The following SMC5 variants were observed in gnomAD, a reference collection of about 807,000 sequenced individuals.
SMC5 encodes structural maintenance of chromosomes protein 5.
A neutral mutation model predicts 148.3 loss-of-function variants in SMC5; 88 were observed. The ratio of observed to expected loss-of-function variants is 0.59; its 90% confidence interval spans 0.50 to 0.71. The LOEUF (loss-of-function observed/expected upper bound fraction) is 0.71, where lower values mean the gene tolerates loss of function less well. Ranked by LOEUF, SMC5 falls within the 30% of genes least tolerant of loss-of-function variation. SMC5 has a pLI of 0.00. For missense variants in SMC5, 1,142 were observed against 1,298.9 expected (o/e 0.88, Z 1.86); for synonymous variants, 421 against 432.8 (o/e 0.97, Z 0.34).
In SMC5 at chr9:70,317,786, A is replaced by G. The variant is rs545824121; in HGVS notation, c.1807-728A>G. On this transcript the variant is annotated intron_variant, in intron 13 of 24. Coordinates refer to ENST00000361138, the MANE Select transcript of SMC5 (RefSeq NM_015110.4). Reference sequence around the variant, plus strand: ...ATTCTTCAGAGAAAAGTTCTAAAAAACTTTAAAAATAAGAAAAGGCTTTGA... The same window carrying G: ...ATTCTTCAGAGAAAAGTTCTAAAAAGCTTTAAAAATAAGAAAAGGCTTTGA... 1.1e-4 allele frequency among the ~76,000 whole-genome samples: 17 copies of G among 152,332 alleles called. No homozygotes were observed. In the South Asian group the frequency reaches 3.5e-3, roughly 32 times the overall value.
Position 70,340,494 on chromosome 9 carries a change from G to A in SMC5, c.2398-3650G>A, listed in dbSNP as rs865971508. Among the ~76,000 whole-genome samples, 5 of 151,998 alleles carry A rather than the reference G, an allele frequency of 3.3e-5. 1 individual carries two copies. In the Middle Eastern group the frequency reaches 0.01, roughly 312 times the overall value. On this transcript the variant is annotated intron_variant, in intron 17 of 24. Coordinates refer to ENST00000361138, the MANE Select transcript of SMC5 (RefSeq NM_015110.4). ...AAATGAATGATTTTTATATTTTTAAGTGTGTATTCTGTCTGGTAACTAAAA... is the reference window on the plus strand; with the variant it reads ...AAATGAATGATTTTTATATTTTTAAATGTGTATTCTGTCTGGTAACTAAAA...
intron 17 of SMC5, among the ~76,000 whole-genome samples, chr9:70,334,890 T>C (rs747350251): frequency 6.6e-6 from 1 of 152,074 alleles, no homozygotes; most frequent in Non-Finnish European, 1.5e-5. Flanking sequence ...AGAAAAAGTA[T>C]ATATATGAAA....
Position 70,343,680 on chromosome 9 carries a change from G to T in SMC5, c.2398-464G>T, listed in dbSNP as rs145030762. Among the ~76,000 whole-genome samples the T allele has an allele frequency of 3.9e-3, 598 of 152,156 alleles. 3 individuals carry two copies. Among genetic ancestry groups the T allele is most frequent in the African/African-American group, 0.013 (553 of 41,486 alleles). On this transcript the variant is annotated intron_variant, in intron 17 of 24. Coordinates refer to ENST00000361138, the MANE Select transcript of SMC5 (RefSeq NM_015110.4). The stretch of plus-strand genomic sequence containing the variant: ...AAAACACAAAAATTAGCCAGGCATG[G>T]TGGTACACATCTGTAATCTCAGCTA...
chr9:70,333,435 GC>G (rs1564066013), intron 17 of SMC5, among the ~76,000 whole-genome samples: 2 of 151,866 alleles, frequency 1.3e-5, no homozygotes, highest in East Asian at 3.9e-4. Flanking sequence ...TCACCACTGC[GC>G]TTCAGCCTCC....
intron 2 of SMC5, among the ~76,000 whole-genome samples, chr9:70,266,554 C>T (rs978308969): frequency 6.6e-6 from 1 of 152,090 alleles, no homozygotes; most frequent in Non-Finnish European, 1.5e-5. Context: ...CTAACTTTCT[C>T]ATGTTGATTT....
At chr9:70,347,198 C>T in intron 20 of SMC5, 37 bp downstream of exon 20, 1 of 1,465,380 alleles carries the variant, frequency 6.8e-7, no homozygotes, top group Non-Finnish European at 9.5e-7. Flanking sequence ...TGCATCCAAC[C>T]ACCACCACCA....
Position 70,259,032 on chromosome 9 carries a change from C to T in SMC5, c.-47C>T. Reference sequence around the variant, plus strand: ...GATGGGCGCTTGGGCGCCTGGGCTGCCGGACGGTGGGAACGGAAGTCGCTG... The same window carrying T: ...GATGGGCGCTTGGGCGCCTGGGCTGTCGGACGGTGGGAACGGAAGTCGCTG... On this transcript the variant is annotated 5_prime_UTR_variant, in exon 1 of 25. Coordinates refer to ENST00000361138, the MANE Select transcript of SMC5 (RefSeq NM_015110.4). 1 of 1,537,436 alleles carries T rather than the reference C, an allele frequency of 6.5e-7. No individual in the cohort carries two copies. The highest frequency in any genetic ancestry group is 1.8e-4 in the Middle Eastern group (1 of 5,418).
At chr9:70,317,445 A>G (rs1023577724) in intron 13 of SMC5, among the ~76,000 whole-genome samples, 28 of 152,120 alleles carry the variant, frequency 1.8e-4, no homozygotes, top group African/African-American at 6.8e-4. Flanking sequence ...TTTAAAACTC[A>G]TTTTTAGGAA....
At chr9:70,278,376 T>G in intron 4 of SMC5, 115 bp from the exon 5 acceptor site, 3 of 933,022 alleles carry the variant, frequency 3.2e-6, no homozygotes, top group Non-Finnish European at 3.1e-6. Context: ...GGTTTATATC[T>G]CAAATGTTTT....
At chr9:70,278,168 A>G (rs558543094) in intron 4 of SMC5, among the ~76,000 whole-genome samples, 14 of 152,170 alleles carry the variant, frequency 9.2e-5, no homozygotes, top group Admixed American at 8.5e-4. Flanking sequence ...AAACCCTCTA[A>G]CATTTCAACT....
intron 17 of SMC5, among the ~76,000 whole-genome samples, chr9:70,333,014 G>A (rs1001517765): frequency 1.3e-5 from 2 of 152,124 alleles, no homozygotes; most frequent in African/African-American, 4.8e-5. Context: ...TACAACTGGG[G>A]ACGAGGAAAA....
chr9:70,332,538 A>G (rs1168198807), intron 17 of SMC5, among the ~76,000 whole-genome samples: 6 of 151,834 alleles, frequency 4.0e-5, no homozygotes, highest in African/African-American at 1.5e-4. Flanking sequence ...AAAAAAAAAA[A>G]AAAAAAGAAT....
intron 8 of SMC5, among the ~76,000 whole-genome samples, chr9:70,295,671 G>C (rs1021055404): frequency 2.6e-5 from 4 of 152,084 alleles, no homozygotes; most frequent in Admixed American, 6.5e-5. Context: ...AAATGAGTTA[G>C]TGTTCAGAAA....
chr9:70,316,147 T>G (rs1176805066), intron 13 of SMC5, among the ~76,000 whole-genome samples: 1 of 152,016 alleles, frequency 6.6e-6, no homozygotes, highest in African/African-American at 2.4e-5. Context: ...TTTTATTCTT[T>G]AAAGCAATCT....
At chr9:70,338,886 C>T (rs1178622575) in intron 17 of SMC5, among the ~76,000 whole-genome samples, 1 of 152,122 alleles carries the variant, frequency 6.6e-6, no homozygotes, top group Non-Finnish European at 1.5e-5. Flanking sequence ...CTTAAATGAT[C>T]TGAGTGTACC....
At chr9:70,267,840 A>C (rs906426523) in intron 2 of SMC5, 83 bp from the exon 3 acceptor site, 2 of 1,269,926 alleles carry the variant, frequency 1.6e-6, no homozygotes, top group Non-Finnish European at 2.2e-6. Flanking sequence ...TCTTGATTTG[A>C]CAAATAATAA....
At chr9:70,331,063 T>A (rs2036206259) in intron 17 of SMC5, among the ~76,000 whole-genome samples, 1 of 152,228 alleles carries the variant, frequency 6.6e-6, no homozygotes, top group Non-Finnish European at 1.5e-5. Flanking sequence ...TCAGAAATAC[T>A]TGATCTGTAT....
At chr9:70,328,446 CAT>C (rs978032647) in intron 17 of SMC5, among the ~76,000 whole-genome samples, 3 of 152,340 alleles carry the variant, frequency 2.0e-5, no homozygotes, top group East Asian at 1.9e-4. Flanking sequence ...AGGCCCCACA[CAT>C]GTCTGCAACC....
Position 70,347,997 on chromosome 9 carries a change from A to T in SMC5, c.2848A>T (p.Met950Leu), listed in dbSNP as rs749815955. 52 of 1,607,050 alleles carry T rather than the reference A, an allele frequency of 3.2e-5. No homozygotes were observed. The highest frequency in any genetic ancestry group is 1.0e-4 in the Admixed American group (6 of 58,650). ...NEKFSNFFSS[M>L]QCAGEVDLHT... ...AAAATTCAGCAATTTTTTTAGTTCC[A>T]TGCAGTGTGCTGGTGAAGTTGATCT... The change falls in exon 22 of 25, where the codon ATG becomes TTG. Residue 950 changes from methionine (M) to leucine (L), a missense_variant. This residue lies in a region of SMC5 where 743 missense variants were observed against 835.7 expected (regional missense o/e 0.89). Transcript: ENST00000361138.
Sources: gnomAD v4.1 joint callset for allele counts (sites outside exome capture counted in the v4.1 genomes callset) on GRCh38, gnomAD v4.1.1 for gene constraint, gnomAD v4.1.1 regional missense constraint, MANE v1.5 for transcripts, NCBI Gene and HGNC (gene_info 2026-07-23, HGNC 2026-07-21) for gene names.